The following TTC12 variants were observed in gnomAD, a reference collection of about 807,000 sequenced individuals.
TTC12 encodes the protein tetratricopeptide repeat protein 12.
In TTC12, 70 loss-of-function variants were observed where a neutral mutation model predicts 90.1. The ratio of observed to expected loss-of-function variants is 0.78; its 90% CI spans 0.64 to 0.95. The LOEUF is 0.95. Ranked by LOEUF, TTC12 falls within the 40% of genes least tolerant of loss-of-function variation. The probability of loss-of-function intolerance (pLI) is 0.00; values close to 1 mark genes in which losing one functional copy is unlikely to be tolerated. For synonymous variants in TTC12, 296 were observed against 311.5 expected (o/e 0.95, Z 0.53); for missense variants, 819 against 846.1 (o/e 0.97, Z 0.40).
intron 18 of TTC12, among the ~76,000 whole-genome samples, chr11:113,361,497 G>C (rs1555154992): frequency 6.6e-6 from 1 of 152,186 alleles, no homozygotes; most frequent in Non-Finnish European, 1.5e-5. Context: ...TAATACCCTG[G>C]AGAGGATGAA....
At chr11:113,317,816 G>A (rs1213947425) in intron 2 of TTC12, among the ~76,000 whole-genome samples, 4 of 151,546 alleles carry the variant, frequency 2.6e-5, no homozygotes, top group Non-Finnish European at 5.9e-5. Context: ...TTTTAACCTG[G>A]CTAACTTATG....
intron 6 of TTC12, among the ~76,000 whole-genome samples, chr11:113,326,130 A>T (rs183388955): frequency 6.6e-6 from 1 of 152,306 alleles, no homozygotes; most frequent in East Asian, 1.9e-4. Context: ...GATAAAGTGG[A>T]TAGCCAATGG....
At chr11:113,323,566 AT>A in intron 3 of TTC12, 115 bp downstream of exon 3, 1 of 660,644 alleles carries the variant, frequency 1.5e-6, no homozygotes, top group Non-Finnish European at 2.3e-6. Context: ...TGTTTCTTAG[AT>A]TTATTTTTTA....
chr11:113,355,586 A>G (rs1348301373), intron 16 of TTC12, among the ~76,000 whole-genome samples: 1 of 151,954 alleles, frequency 6.6e-6, no homozygotes, highest in Admixed American at 6.6e-5. Context: ...TTAGTTAGAA[A>G]TATCTGTTAG....
chr11:113,366,994 TA>T (rs1388910708), downstream of TTC12, among the ~76,000 whole-genome samples: 5 of 152,238 alleles, frequency 3.3e-5, no homozygotes, highest in African/African-American at 1.2e-4. Flanking sequence ...CTTCTCTTTC[TA>T]CAGTGAACCC....
At chr11:113,361,693 G>A (rs1555155105) in intron 18 of TTC12, among the ~76,000 whole-genome samples, 2 of 152,106 alleles carry the variant, frequency 1.3e-5, no homozygotes, top group African/African-American at 2.4e-5. Context: ...CCATACTTCT[G>A]ATAAACTTCC....
At chr11:113,338,320 C>A (rs1332904570) in intron 8 of TTC12, among the ~76,000 whole-genome samples, 5 of 152,186 alleles carry the variant, frequency 3.3e-5, no homozygotes, top group Admixed American at 6.5e-5. Context: ...GTTCTCTTCG[C>A]AGCTTGTACA....
chr11:113,328,797 A>ACTCCCAGCCCAAGATAAT (rs1947850781), intron 6 of TTC12, among the ~76,000 whole-genome samples: 1 of 151,626 alleles, frequency 6.6e-6, no homozygotes, highest in Non-Finnish European at 1.5e-5. Context: ...TCCCATTACT[A>ACTCCCAGCCCAAGATAAT]CTCCCAGCCC....
chr11:113,333,236 C>T (rs1302595706), intron 7 of TTC12, among the ~76,000 whole-genome samples: 1 of 152,058 alleles, frequency 6.6e-6, no homozygotes, highest in African/African-American at 2.4e-5. Context: ...CCTGCACCTG[C>T]CCCTCGATCC....
rs138391673 is a variant in TTC12, at chr11:113,340,715, A to G, written c.878A>G (p.Asp293Gly). 9 of 1,614,038 alleles carry G rather than the reference A, an allele frequency of 5.6e-6. No individual in the cohort carries two copies. The highest frequency in any genetic ancestry group is 6.8e-6 in the Non-Finnish European group (8 of 1,179,888). ...RMHNGFSIISDNEVIRRCFST... is the reference protein window; with the variant it reads ...RMHNGFSIISGNEVIRRCFST... ...CACAATGGATTTAGTATCATCAGTG[A>G]CAACGAGGTCATAAGAAGGTAGGGA... is the stretch of plus-strand genomic sequence containing the variant. The change falls in exon 11 of 22, where the codon GAC becomes GGC. Residue 293 changes from aspartate to glycine, a missense_variant. By Grantham distance (94) the Asp-to-Gly change is moderately conservative. Transcript: ENST00000529221.
In TTC12 at chr11:113,365,005, G is replaced by A; in HGVS notation, c.1987G>A (p.Ala663Thr). Reference protein sequence around the residue: ...KLAGSDTQKTAVQVNAGIALG... With the variant: ...KLAGSDTQKTTVQVNAGIALG... ...TGCAGGCAGTGACACACAGAAGACG[G>A]CCGTGCAGGTGAACGCAGGCATTGC... The change falls in exon 21 of 22, where the codon GCC becomes ACC. Residue 663 changes from alanine to threonine, a missense_variant. Ala to Thr is a moderately conservative substitution (Grantham distance 58). Transcript: ENST00000529221. 1 of 1,614,186 alleles carries A rather than the reference G, an allele frequency of 6.2e-7. No homozygotes were observed. The highest frequency in any genetic ancestry group is 8.5e-7 in the Non-Finnish European group (1 of 1,180,036).
intron 12 of TTC12, among the ~76,000 whole-genome samples, chr11:113,343,672 T>C (rs1591577123): frequency 6.6e-6 from 1 of 152,140 alleles, no homozygotes. Flanking sequence ...CATACTGCAG[T>C]CTGTACCCTG....
At chr11:113,320,779 C>T (rs890598295) in intron 2 of TTC12, among the ~76,000 whole-genome samples, 3 of 152,206 alleles carry the variant, frequency 2.0e-5, no homozygotes, top group Admixed American at 6.5e-5. Context: ...TGTCCGTCTG[C>T]GTTCTCCCCC....
downstream of TTC12, among the ~76,000 whole-genome samples, chr11:113,369,975 G>A (rs923870078): frequency 2.0e-5 from 3 of 152,186 alleles, no homozygotes; most frequent in African/African-American, 2.4e-5. Context: ...TCCTGTGACT[G>A]GTGGCAAACA....
intron 6 of TTC12, 165 bp from the exon 7 acceptor site, chr11:113,329,755 G>A: frequency 2.9e-6 from 2 of 690,946 alleles, no homozygotes; most frequent in Admixed American, 4.0e-5. Flanking sequence ...ACTCTCCTCA[G>A]TTGCCCAGTG....
rs782513872 is a variant in TTC12, at chr11:113,340,824, G to A, written c.896+91G>A. On this transcript the variant is annotated intron_variant, in intron 11 of 21. Coordinates refer to ENST00000529221, the MANE Select transcript of TTC12 (RefSeq NM_017868.4). ...AGACACGAGGCACATAGACAGTCAC[G>A]TTTCTGAACATTACCCCCCTTCAGT... The A allele has an allele frequency of 1.4e-5, 15 of 1,108,116 alleles. No homozygotes were observed. In the East Asian group the frequency reaches 2.1e-4, roughly 16 times the overall value. The allele number at this position is 1,108,116 out of a possible 1,614,324, so 68.6% of individuals were successfully genotyped here. A position where few individuals can be genotyped will look rare whatever the true frequency, so the allele number is the denominator to read the frequency against.
intron 16 of TTC12, among the ~76,000 whole-genome samples, chr11:113,358,325 C>T (rs1949730859): frequency 6.6e-6 from 1 of 152,044 alleles, no homozygotes; most frequent in South Asian, 2.1e-4. Flanking sequence ...TGCCCTGGGC[C>T]CAGGGGAAGC....
At chr11:113,324,111 C>T (rs1947532856) in intron 4 of TTC12, 96 bp downstream of exon 4, 2 of 989,766 alleles carry the variant, frequency 2.0e-6, no homozygotes, top group African/African-American at 3.3e-5. Context: ...TGCCTTTGAG[C>T]TTACAAACAA....
In TTC12 at chr11:113,351,961, C is replaced by T. The variant is rs1009808636; in HGVS notation, c.1309-109C>T. On this transcript the variant is annotated intron_variant, in intron 15 of 21. Coordinates refer to ENST00000529221, the MANE Select transcript of TTC12 (RefSeq NM_017868.4). ...AGGGATGCCCCTGTGTGACATGAAG[C>T]TATCTGGTTGGTTCGTGGGCCTTTT... 2.4e-6 allele frequency: 3 copies of T among 1,276,466 alleles called. No individual in the cohort carries two copies. In the Admixed American group the frequency reaches 8.1e-5, roughly 34 times the overall value. The allele number at this position is 1,276,466 out of a possible 1,614,324, so 79.1% of individuals were successfully genotyped here.
Sources: allele counts gnomAD v4.1 joint callset (sites outside exome capture counted in the v4.1 genomes callset), GRCh38; gene constraint gnomAD v4.1.1; transcripts MANE v1.5; gene names NCBI Gene and HGNC (gene_info 2026-07-23, HGNC 2026-07-21).